Variants in CXCL13 observed in about 807,000 individuals in gnomAD.
The protein encoded by CXCL13 is C-X-C motif chemokine ligand 13.
CXCL13 carries 7 observed loss-of-function variants against 12.2 expected under a neutral mutation model. That is an observed-to-expected ratio of 0.57 (90% CI 0.33 to 1.07). The LOEUF is 1.07. CXCL13 is among the 50% of genes least tolerant of loss of function. The probability of loss-of-function intolerance (pLI) is 0.04; values close to 1 mark genes in which losing one functional copy is unlikely to be tolerated. For synonymous variants in CXCL13, 47 were observed against 42.4 expected, an observed-to-expected ratio of 1.11 and a Z score of -0.42; for missense variants, 113 against 127.4, an observed-to-expected ratio of 0.89 and a Z score of 0.55.
At chr4:77,604,972 G>A (rs988047721), upstream of CXCL13, among the ~76,000 whole-genome samples, 1 of 152,094 alleles carries the variant, frequency 6.6e-6, no homozygotes, top group Admixed American at 6.6e-5. Flanking sequence ...CTAGAAAATG[G>A]GATAAGCTGT....
intron 1 of CXCL13, among the ~76,000 whole-genome samples, chr4:77,598,148 A>G (rs1458923733): frequency 2.0e-5 from 3 of 152,198 alleles, no homozygotes; most frequent in Non-Finnish European, 4.4e-5. Context: ...ACTGCCTCCA[A>G]AGGACTGGCA....
chr4:77,564,495 ATTGT>A (rs1725879842), intron 1 of CXCL13, among the ~76,000 whole-genome samples: 1 of 152,178 alleles, frequency 6.6e-6, no homozygotes, highest in South Asian at 2.1e-4. Flanking sequence ...TCTGTTCCTG[ATTGT>A]TCCTGATGAT....
At chr4:77,560,474 C>A (rs1031330072) in intron 1 of CXCL13, among the ~76,000 whole-genome samples, 4 of 152,196 alleles carry the variant, frequency 2.6e-5, no homozygotes, top group Non-Finnish European at 5.9e-5. Context: ...TTTTGAGGTA[C>A]AACTTATAGA....
intron 1 of CXCL13, among the ~76,000 whole-genome samples, chr4:77,535,881 C>G (rs904123557): frequency 2.0e-5 from 3 of 152,192 alleles, no homozygotes; most frequent in Non-Finnish European, 4.4e-5. Context: ...TAGAGACAAG[C>G]CATCCTCACT....
chr4:77,599,924 A>G (rs1726853084), intron 1 of CXCL13, among the ~76,000 whole-genome samples: 1 of 152,180 alleles, frequency 6.6e-6, no homozygotes, highest in African/African-American at 2.4e-5. Flanking sequence ...AAGTCAGGCT[A>G]TTTTAAGATA....
chr4:77,598,850 C>T (rs1425135495), intron 1 of CXCL13, among the ~76,000 whole-genome samples: 1 of 151,912 alleles, frequency 6.6e-6, no homozygotes, highest in Non-Finnish European at 1.5e-5. Context: ...GAGTCTCACC[C>T]AGGCTGGAGT....
upstream of CXCL13, among the ~76,000 whole-genome samples, chr4:77,602,627 G>C (rs766852722): frequency 1.3e-5 from 2 of 150,906 alleles, no homozygotes; most frequent in Non-Finnish European, 2.9e-5. Flanking sequence ...AATCTGATTC[G>C]ATTCCAAAGT....
At chr4:77,549,854 G>C (rs1046643296) in intron 1 of CXCL13, among the ~76,000 whole-genome samples, 2 of 152,216 alleles carry the variant, frequency 1.3e-5, no homozygotes, top group Non-Finnish European at 2.9e-5. Context: ...CATGCTGGGA[G>C]AACCACTGCT....
chr4:77,558,381 C>G (rs528674585), intron 1 of CXCL13, among the ~76,000 whole-genome samples: 17 of 152,178 alleles, frequency 1.1e-4, no homozygotes, highest in African/African-American at 4.1e-4. Context: ...TTTAAGGAGT[C>G]TCCCTGTGTC....
intron 1 of CXCL13, among the ~76,000 whole-genome samples, chr4:77,525,896 A>G (rs1343930505): frequency 3.4e-5 from 5 of 147,710 alleles, no homozygotes; most frequent in African/African-American, 1.3e-4. Flanking sequence ...AGGCAAAGGT[A>G]GGCTTTTTTT....
At chr4:77,521,744 T>A (rs144196911) in intron 1 of CXCL13, among the ~76,000 whole-genome samples, 12,031 of 152,248 alleles carry the variant, frequency 0.079, 629 homozygotes, top group South Asian at 0.13. Context: ...ATTTCTTGCC[T>A]TCTGCTAGCT....
chr4:77,541,571 G>T (rs888484767), intron 1 of CXCL13, among the ~76,000 whole-genome samples: 1 of 152,116 alleles, frequency 6.6e-6, no homozygotes, highest in African/African-American at 2.4e-5. Flanking sequence ...ATTGGTCTAT[G>T]TGTCTGTTTT....
intron 1 of CXCL13, among the ~76,000 whole-genome samples, chr4:77,525,931 AT>A (rs1724752806): frequency 7.1e-6 from 1 of 141,630 alleles, no homozygotes; most frequent in Admixed American, 7.0e-5. Flanking sequence ...TTTTTTTTTT[AT>A]TATTTTTGCC....
chr4:77,526,617 G>A (rs1348230242), intron 1 of CXCL13, among the ~76,000 whole-genome samples: 2 of 152,148 alleles, frequency 1.3e-5, no homozygotes, highest in African/African-American at 4.8e-5. Flanking sequence ...TCTTAGCCCA[G>A]GGGCCAGGGC....
At chr4:77,551,099 A>C (rs1406400806) in intron 1 of CXCL13, among the ~76,000 whole-genome samples, 2 of 152,152 alleles carry the variant, frequency 1.3e-5, no homozygotes. Context: ...TGTGCCTTTT[A>C]AGTGGGGCAT....
chr4:77,575,077 A>G (rs1726171768), intron 1 of CXCL13, among the ~76,000 whole-genome samples: 1 of 151,940 alleles, frequency 6.6e-6, no homozygotes, highest in South Asian at 2.1e-4. Flanking sequence ...ATATTAACTA[A>G]ATTCAAAAGG....
chr4:77,523,271 G>A (rs1466711071), intron 1 of CXCL13, among the ~76,000 whole-genome samples: 1 of 152,226 alleles, frequency 6.6e-6, no homozygotes, highest in East Asian at 1.9e-4. Context: ...GCTATGTTGG[G>A]GAAGTTCTCC....
chr4:77,584,524 T>C (rs1726408030), intron 1 of CXCL13, among the ~76,000 whole-genome samples: 1 of 152,224 alleles, frequency 6.6e-6, no homozygotes, highest in Non-Finnish European at 1.5e-5. Flanking sequence ...AAAGTAAAAT[T>C]AGATTGTTTC....
chr4:77,536,388 C>T (rs1452392966), intron 1 of CXCL13, among the ~76,000 whole-genome samples: 1 of 152,140 alleles, frequency 6.6e-6, no homozygotes. Flanking sequence ...GGGTGTGGCT[C>T]CATCATGAAG....
Sources: allele counts gnomAD v4.1 joint callset (sites outside exome capture counted in the v4.1 genomes callset), GRCh38; gene constraint gnomAD v4.1.1; transcripts MANE v1.5; gene names NCBI Gene and HGNC (gene_info 2026-07-23, HGNC 2026-07-21).